Variants in RBM47 observed in about 807,000 individuals in gnomAD.
RBM47 encodes the protein RNA binding motif protein 47, also known as RNA-binding protein 47.
Under a neutral mutation model 47.1 loss-of-function variants are expected in RBM47, and 21 were observed. The observed-to-expected ratio is 0.45, with a 90% CI of 0.32 to 0.64. The LOEUF is 0.64. Ranked by LOEUF, RBM47 falls within the 30% of genes least tolerant of loss-of-function variation. RBM47 has a pLI of 0.05. For missense variants in RBM47, 708 were observed against 870.9 expected, an observed-to-expected ratio of 0.81 and a Z score of 2.35; for synonymous variants, 375 against 361.7, an observed-to-expected ratio of 1.04 and a Z score of -0.42.
intron 1 of RBM47, among the ~76,000 whole-genome samples, chr4:40,555,993 T>C (rs899577692): frequency 1.3e-5 from 2 of 151,694 alleles, no homozygotes; most frequent in Admixed American, 6.6e-5. Context: ...CAGGAGCCTC[T>C]GGGAAACACT....
intron 2 of RBM47, among the ~76,000 whole-genome samples, chr4:40,515,346 G>A (rs1156395710): frequency 1.3e-5 from 2 of 149,260 alleles, no homozygotes; most frequent in African/African-American, 2.5e-5. Context: ...CAAGCAGCAC[G>A]CACTCATCGG....
chr4:40,445,738 A>C (rs578046652), intron 3 of RBM47, among the ~76,000 whole-genome samples: 115 of 152,328 alleles, frequency 7.5e-4, no homozygotes, highest in African/African-American at 2.6e-3. Context: ...CCAAGTTAAA[A>C]GCCCATATAC....
intron 1 of RBM47, among the ~76,000 whole-genome samples, chr4:40,549,058 C>CT (rs955462496): frequency 1.3e-5 from 2 of 150,990 alleles, no homozygotes; most frequent in African/African-American, 4.9e-5. Context: ...CTTACTCATT[C>CT]TTTTTATCAA....
At position 40,590,534 on chromosome 4, in the gene RBM47, A is replaced by C. The variant is rs1439151500; in HGVS notation, c.-240+38862T>G. ...TCTTGGACCCCAGTCTCCAAGCCTT[A>C]GACACATTGCCTCACCTGGTGAATG... On this transcript the variant is annotated intron_variant, in intron 1 of 6. Transcript: ENST00000295971. Among the ~76,000 whole-genome samples the C allele has an allele frequency of 2.0e-5, 3 of 152,216 alleles. No homozygotes were observed. The East Asian group carries it at 5.8e-4, about 29-fold the overall frequency.
intron 2 of RBM47, among the ~76,000 whole-genome samples, chr4:40,540,651 A>AAATAAT (rs199604091): frequency 1.7e-5 from 2 of 117,150 alleles, no homozygotes; most frequent in Non-Finnish European, 3.6e-5. Context: ...AAAAAAAAAA[A>AAATAAT]AATAATAATA....
chr4:40,506,672 T>G (rs907547411), intron 2 of RBM47, among the ~76,000 whole-genome samples: 4 of 152,190 alleles, frequency 2.6e-5, no homozygotes, highest in Admixed American at 6.5e-5. Context: ...ACTCAGTGTC[T>G]CTGAGACCAT....
chr4:40,582,559 CA>C (rs1245916131), intron 1 of RBM47, among the ~76,000 whole-genome samples: 6 of 151,926 alleles, frequency 3.9e-5, no homozygotes, highest in African/African-American at 1.5e-4. Flanking sequence ...ACAATAAAAA[CA>C]AAAACTAGGA....
In RBM47 at chr4:40,457,422, C is replaced by CAAA. The variant is rs35497838; in HGVS notation, c.-32+9152_-32+9154dup. 4.8e-4 allele frequency among the ~76,000 whole-genome samples: 54 copies of CAAA among 111,554 alleles called. 1 individual carries two copies. The highest frequency in any genetic ancestry group is 1.0e-3 in the Admixed American group (11 of 10,616). 73.2% of individuals were successfully genotyped at this position (111,554 alleles called of 152,430 possible). ...TGGGTGACAGAGTGAGACTCCATCTCAAAAAAAAAAAAAAAACAAAAAAAA... is the reference window on the plus strand; with the variant it reads ...TGGGTGACAGAGTGAGACTCCATCTCAAAAAAAAAAAAAAAAAAACAAAAAAAA... On this transcript the variant is annotated intron_variant, in intron 3 of 6. Coordinates refer to ENST00000295971, the MANE Select transcript of RBM47 (RefSeq NM_001098634.2).
chr4:40,497,415 C>T (rs185965909), intron 2 of RBM47, among the ~76,000 whole-genome samples: 5 of 152,102 alleles, frequency 3.3e-5, no homozygotes, highest in African/African-American at 7.2e-5. Context: ...CCCAGAAGTT[C>T]GAGACCAGCC....
In RBM47 at chr4:40,583,720, C is replaced by T. The variant is rs1307309583; in HGVS notation, c.-239-39214G>A. On this transcript the variant is annotated intron_variant, in intron 1 of 6. Transcript: ENST00000295971. The stretch of plus-strand genomic sequence containing the variant: ...AAAAATACAAAAAATTAGCCGGGCG[C>T]GGTGGCGGGCGCCTGTAGTCCCAGC... 5.3e-5 allele frequency among the ~76,000 whole-genome samples: 8 copies of T among 150,406 alleles called. No homozygotes were observed. The East Asian group carries it at 6.0e-4, about 11-fold the overall frequency.
chr4:40,434,076 A>G (rs1650184931), intron 5 of RBM47, among the ~76,000 whole-genome samples: 1 of 151,556 alleles, frequency 6.6e-6, no homozygotes, highest in African/African-American at 2.4e-5. Flanking sequence ...TGTGTACACA[A>G]AGAATCTTTC....
At chr4:40,548,435 G>T (rs532914503) in intron 1 of RBM47, among the ~76,000 whole-genome samples, 1 of 152,204 alleles carries the variant, frequency 6.6e-6, no homozygotes, top group East Asian at 1.9e-4. Context: ...AATCAGGAAG[G>T]TGACATCACC....
At chr4:40,618,187 G>T (rs540014657) in intron 1 of RBM47, among the ~76,000 whole-genome samples, 10 of 151,810 alleles carry the variant, frequency 6.6e-5, no homozygotes, top group Non-Finnish European at 1.2e-4. Context: ...AGGCTACAGG[G>T]AAACATGATT....
chr4:40,593,915 T>TTACA (rs1734514171), intron 1 of RBM47, among the ~76,000 whole-genome samples: 1 of 144,208 alleles, frequency 6.9e-6, no homozygotes, highest in Non-Finnish European at 1.5e-5. Flanking sequence ...CCGGACGTGG[T>TTACA]GGTGGGTGCC....
chr4:40,472,403 C>T (rs972988644), intron 2 of RBM47, among the ~76,000 whole-genome samples: 1 of 151,812 alleles, frequency 6.6e-6, no homozygotes, highest in Non-Finnish European at 1.5e-5. Flanking sequence ...GGTGAAACCC[C>T]GTCTCTGCTA....
In RBM47 at chr4:40,541,534, C is replaced by T. The variant is rs1445199539; in HGVS notation, c.-155+2888G>A. The stretch of plus-strand genomic sequence containing the variant: ...GGTGGATTCCCTGAGGTCAGGAGTT[C>T]GAGACCAGCCTGGCCAACATGGTGA... On this transcript the variant is annotated intron_variant, in intron 2 of 6. Coordinates refer to ENST00000295971, the MANE Select transcript of RBM47 (RefSeq NM_001098634.2). 2.0e-5 allele frequency among the ~76,000 whole-genome samples: 3 copies of T among 152,006 alleles called. No homozygotes were observed. The East Asian group carries it at 5.8e-4, about 29-fold the overall frequency.
intron 3 of RBM47, among the ~76,000 whole-genome samples, chr4:40,440,735 C>A: frequency 6.6e-6 from 1 of 152,088 alleles, no homozygotes; most frequent in East Asian, 1.9e-4. Context: ...CTGCTCCATG[C>A]CTCACCTCAG....
intron 3 of RBM47, among the ~76,000 whole-genome samples, chr4:40,452,286 T>C (rs996732448): frequency 2.0e-5 from 3 of 151,726 alleles, no homozygotes; most frequent in Non-Finnish European, 2.9e-5. Context: ...AGGAGGTGGA[T>C]ATGGGGCAGA....
chr4:40,445,449 A>G (rs1274439411), intron 3 of RBM47, among the ~76,000 whole-genome samples: 1 of 152,200 alleles, frequency 6.6e-6, no homozygotes, highest in Non-Finnish European at 1.5e-5. Context: ...AAATTCCAAA[A>G]GAGATACAAG....
Sources: gnomAD v4.1 joint callset for allele counts (sites outside exome capture counted in the v4.1 genomes callset) on GRCh38, gnomAD v4.1.1 for gene constraint, MANE v1.5 for transcripts, NCBI Gene and HGNC (gene_info 2026-07-23, HGNC 2026-07-21) for gene names.